The following CCDC138 variants were observed in gnomAD, a reference collection of about 807,000 sequenced individuals.
CCDC138 encodes the protein coiled-coil domain containing 138.
CCDC138 carries 66 observed loss-of-function variants against 82.3 expected under a neutral mutation model. The observed-to-expected ratio is 0.80, with a 90% CI of 0.66 to 0.98. CCDC138 has a LOEUF of 0.98. Among genes scored for constraint, CCDC138 ranks in the 50% least tolerant of loss-of-function variants. CCDC138 has a pLI of 0.00. For missense variants in CCDC138, 816 were observed against 758.9 expected (o/e 1.08, Z -0.88); for synonymous variants, 297 against 265.4 (o/e 1.12, Z -1.16).
chr2:108,837,395 G>C (rs1688746831), intron 10 of CCDC138, among the ~76,000 whole-genome samples: 1 of 152,106 alleles, frequency 6.6e-6, no homozygotes, highest in African/African-American at 2.4e-5. Context: ...ACTTAGTCAT[G>C]GCGTATAATC....
intron 13 of CCDC138, among the ~76,000 whole-genome samples, chr2:108,866,407 G>A (rs1694421224): frequency 6.6e-6 from 1 of 152,108 alleles, no homozygotes; most frequent in Non-Finnish European, 1.5e-5. Flanking sequence ...ATCTTTTGGG[G>A]GAACCATCAT....
At chr2:108,865,786 T>G (rs571650548) in intron 13 of CCDC138, among the ~76,000 whole-genome samples, 11 of 152,256 alleles carry the variant, frequency 7.2e-5, no homozygotes, top group African/African-American at 2.6e-4. Context: ...CTGGGGTTTT[T>G]GCCTGCTTAC....
intron 10 of CCDC138, among the ~76,000 whole-genome samples, chr2:108,820,181 G>T (rs1685434015): frequency 6.6e-6 from 1 of 152,316 alleles, no homozygotes; most frequent in South Asian, 2.1e-4. Context: ...GCCAAGGCAG[G>T]AGGGTCACTT....
chr2:108,792,723 C>T (rs529765991), intron 4 of CCDC138, among the ~76,000 whole-genome samples: 2 of 152,316 alleles, frequency 1.3e-5, no homozygotes, highest in Admixed American at 6.5e-5. Flanking sequence ...GACACACCCC[C>T]CTCCTTTTTT....
At chr2:108,858,003 A>G (rs1336125977) in intron 13 of CCDC138, among the ~76,000 whole-genome samples, 1 of 152,222 alleles carries the variant, frequency 6.6e-6, no homozygotes, top group East Asian at 1.9e-4. Flanking sequence ...AGTCTATTAG[A>G]GGAGATAGTC....
intron 7 of CCDC138, among the ~76,000 whole-genome samples, chr2:108,805,310 T>C (rs546342720): frequency 6.6e-6 from 1 of 152,334 alleles, no homozygotes; most frequent in East Asian, 1.9e-4. Context: ...TCACTACTTA[T>C]TTAACATTCA....
At chr2:108,803,441 A>AT (rs1179708854) in intron 6 of CCDC138, among the ~76,000 whole-genome samples, 3 of 151,654 alleles carry the variant, frequency 2.0e-5, no homozygotes, top group African/African-American at 4.8e-5. Context: ...TTAAAAAAAA[A>AT]TTTTTTTTTA....
At chr2:108,813,895 C>T (rs188368719) in intron 9 of CCDC138, among the ~76,000 whole-genome samples, 3 of 152,260 alleles carry the variant, frequency 2.0e-5, no homozygotes, top group Middle Eastern at 3.4e-3. Flanking sequence ...AGGCTTTTCT[C>T]AGCATAATTA....
intron 9 of CCDC138, among the ~76,000 whole-genome samples, chr2:108,814,355 A>G (rs1294247536): frequency 6.6e-6 from 1 of 152,084 alleles, no homozygotes; most frequent in African/African-American, 2.4e-5. Flanking sequence ...TCATTTTGAT[A>G]TTTTGATAAA....
At chr2:108,876,848 A>G (rs1696055468), downstream of CCDC138, among the ~76,000 whole-genome samples, 1 of 152,232 alleles carries the variant, frequency 6.6e-6, no homozygotes. Context: ...TTTTTTAAAC[A>G]TTGAAAGGTA....
chr2:108,804,738 A>G lies in CCDC138; in HGVS notation c.736-151A>G, dbSNP rs564537922. ...GTAGATTGCATGGTTTTTATAAATT[A>G]CTTGCCACACTAGTCACTTGTGCTT... On this transcript the variant is annotated intron_variant, in intron 6 of 14. Transcript: ENST00000295124. 1.3e-4 allele frequency: 71 copies of G among 527,214 alleles called. No individual in the cohort carries two copies. The Middle Eastern group carries it at 2.6e-3, about 19-fold the overall frequency. 32.7% of individuals were successfully genotyped at this position (527,214 alleles called of 1,614,324 possible).
chr2:108,849,047 C>G (rs1690974481), intron 12 of CCDC138, among the ~76,000 whole-genome samples: 1 of 152,006 alleles, frequency 6.6e-6, no homozygotes, highest in African/African-American at 2.4e-5. Flanking sequence ...AAAAAGACTT[C>G]AATCAGATTT....
chr2:108,822,183 C>G (rs980848925), intron 10 of CCDC138, among the ~76,000 whole-genome samples: 1 of 152,004 alleles, frequency 6.6e-6, no homozygotes, highest in African/African-American at 2.4e-5. Flanking sequence ...ACAAAATATA[C>G]TTTACGTCAA....
At chr2:108,865,532 G>A (rs1694285161) in intron 13 of CCDC138, among the ~76,000 whole-genome samples, 1 of 152,156 alleles carries the variant, frequency 6.6e-6, no homozygotes, top group South Asian at 2.1e-4. Context: ...TCATGGTCTG[G>A]ACTCATTCTG....
intron 13 of CCDC138, among the ~76,000 whole-genome samples, chr2:108,871,739 AAATAC>A (rs1332949743): frequency 4.6e-5 from 7 of 152,288 alleles, no homozygotes; most frequent in African/African-American, 1.7e-4. Context: ...CTGAAAGATG[AAATAC>A]ATACTGCTAA....
intron 10 of CCDC138, among the ~76,000 whole-genome samples, chr2:108,831,477 T>A (rs143084508): frequency 2.6e-5 from 4 of 152,284 alleles, no homozygotes; most frequent in African/African-American, 9.6e-5. Context: ...GCTTGGTATT[T>A]AGAGGGGATA....
chr2:108,851,101 A>G (rs1333965625), intron 12 of CCDC138, among the ~76,000 whole-genome samples: 2 of 152,052 alleles, frequency 1.3e-5, no homozygotes, highest in Non-Finnish European at 2.9e-5. Flanking sequence ...TAGCTCATAG[A>G]ACTCAGCGAA....
intron 7 of CCDC138, among the ~76,000 whole-genome samples, chr2:108,809,449 TGTGTGTG>T (rs1407610865): frequency 4.5e-5 from 1 of 22,316 alleles, no homozygotes; most frequent in Non-Finnish European, 1.0e-4. Context: ...CATGAAATGT[TGTGTGTG>T]TGTGTGTGTG....
In CCDC138 at chr2:108,804,954, A is replaced by T. The variant is rs750870383; in HGVS notation, c.801A>T (p.Arg267Ser). 5 of 1,579,100 alleles carry T rather than the reference A, an allele frequency of 3.2e-6. No homozygotes were observed. The South Asian group carries it at 6.0e-5, about 19-fold the overall frequency. ...VLKEKNKETK[R>S]LRSSFDALKE... is the part of the protein sequence containing the mutation. ...AGGAAAAGAATAAAGAAACCAAGAG[A>T]CTGAGGTCCTCTTTTGATGCATTGA... The change falls in exon 7 of 15, where the codon AGA becomes AGT. Residue 267 changes from arginine to serine, a missense_variant. Coordinates refer to ENST00000295124, the MANE Select transcript of CCDC138 (RefSeq NM_144978.3).
Sources: gnomAD v4.1 joint callset for allele counts (sites outside exome capture counted in the v4.1 genomes callset) on GRCh38, gnomAD v4.1.1 for gene constraint, MANE v1.5 for transcripts, NCBI Gene and HGNC (gene_info 2026-07-23, HGNC 2026-07-21) for gene names.